Variants in TMLHE observed in about 807,000 individuals in gnomAD.
TMLHE encodes trimethyllysine hydroxylase, epsilon.
In TMLHE, 18 loss-of-function variants were observed where a neutral mutation model predicts 25.7. The ratio of observed to expected loss-of-function variants is 0.70; its 90% CI spans 0.48 to 1.04. The LOEUF is 1.04. TMLHE is among the 50% of genes least tolerant of loss of function. The probability of loss-of-function intolerance (pLI) is 0.00; values close to 1 mark genes in which losing one functional copy is unlikely to be tolerated. For missense variants in TMLHE, 236 were observed against 259.0 expected, an observed-to-expected ratio of 0.91 and a Z score of 0.61; for synonymous variants, 105 against 97.0, an observed-to-expected ratio of 1.08 and a Z score of -0.49.
chrX:155,591,371 C>T (rs907785002), intron 1 of TMLHE, among the ~76,000 whole-genome samples: 3 of 111,769 alleles, frequency 2.7e-5, no homozygotes, highest in Non-Finnish European at 5.7e-5. Flanking sequence ...CACTCCAAAA[C>T]GCACATTCTT....
intron 1 of TMLHE, among the ~76,000 whole-genome samples, chrX:155,549,230 GT>G (rs1324892503): frequency 8.1e-5 from 9 of 110,755 alleles, no homozygotes; most frequent in East Asian, 2.8e-4. Context: ...CCTTTTGTTT[GT>G]TTTTTTGCTG....
At chrX:155,571,004 G>T (rs1410082237) in intron 1 of TMLHE, among the ~76,000 whole-genome samples, 5 of 56,820 alleles carry the variant, frequency 8.8e-5, no homozygotes, top group African/African-American at 2.1e-4. Flanking sequence ...GAAGGAAATA[G>T]AGACACAAAA....
intron 1 of TMLHE, among the ~76,000 whole-genome samples, chrX:155,547,977 T>C (rs1475190204): frequency 1.8e-5 from 2 of 111,515 alleles, no homozygotes; most frequent in African/African-American, 6.5e-5. Flanking sequence ...CCATTTCCCA[T>C]AATCTCACTA....
intron 1 of TMLHE, among the ~76,000 whole-genome samples, chrX:155,579,156 T>C: frequency 9.5e-6 from 1 of 105,621 alleles, no homozygotes; most frequent in Admixed American, 1.0e-4. Context: ...AGAATCAATA[T>C]TGTTAAAATG....
At chrX:155,577,704 C>G (rs1373691834) in intron 1 of TMLHE, among the ~76,000 whole-genome samples, 1 of 111,683 alleles carries the variant, frequency 9.0e-6, no homozygotes, top group African/African-American at 3.3e-5. Context: ...ATAATACTAA[C>G]AGCCCAGCTC....
chrX:155,610,557 A>T (rs376009924), intron 1 of TMLHE, among the ~76,000 whole-genome samples: 5 of 111,759 alleles, frequency 4.5e-5, no homozygotes, highest in African/African-American at 9.8e-5. Flanking sequence ...ACAATTTATT[A>T]GGGATCATAC....
intron 2 of TMLHE, among the ~76,000 whole-genome samples, chrX:155,534,336 C>T (rs1436896483): frequency 2.7e-5 from 3 of 111,292 alleles, no homozygotes; most frequent in Non-Finnish European, 3.8e-5. Flanking sequence ...TGGGTTCAAG[C>T]GATTCTCCTG....
At chrX:155,584,778 A>T (rs1228654738) in intron 1 of TMLHE, among the ~76,000 whole-genome samples, 1 of 111,714 alleles carries the variant, frequency 9.0e-6, no homozygotes, top group Non-Finnish European at 1.9e-5. Context: ...GTTTTCACTC[A>T]TAAATGAAGG....
intron 2 of TMLHE, among the ~76,000 whole-genome samples, chrX:155,536,613 G>T (rs782818962): frequency 9.0e-6 from 1 of 111,530 alleles, no homozygotes; most frequent in Non-Finnish European, 1.9e-5. Context: ...AATCACAGGA[G>T]AAATTAATTA....
At chrX:155,610,846 A>T (rs1203890322) in intron 1 of TMLHE, among the ~76,000 whole-genome samples, 1 of 109,851 alleles carries the variant, frequency 9.1e-6, no homozygotes, top group African/African-American at 3.3e-5. Flanking sequence ...GTATGCTTAA[A>T]GTTGAATTCC....
intron 2 of TMLHE, among the ~76,000 whole-genome samples, chrX:155,541,107 T>A (rs904089025): frequency 3.6e-5 from 4 of 110,748 alleles, no homozygotes; most frequent in Admixed American, 9.7e-5. Flanking sequence ...GCAGGTTTGT[T>A]ACATAAGTAT....
At chrX:155,507,918 G>A (rs868937999) in intron 5 of TMLHE, among the ~76,000 whole-genome samples, 3 of 111,124 alleles carry the variant, frequency 2.7e-5, no homozygotes, top group African/African-American at 6.5e-5. Flanking sequence ...AGAAAGGGGC[G>A]TTATAGAGAA....
intron 2 of TMLHE, among the ~76,000 whole-genome samples, chrX:155,532,785 C>T (rs1416385949): frequency 9.3e-6 from 1 of 107,450 alleles, no homozygotes; most frequent in Non-Finnish European, 1.9e-5. Context: ...TGTTTGAGTA[C>T]CACTAACCCT....
At chrX:155,590,178 C>T (rs1005951112) in intron 1 of TMLHE, among the ~76,000 whole-genome samples, 4 of 112,095 alleles carry the variant, frequency 3.6e-5, no homozygotes, top group African/African-American at 9.7e-5. Context: ...CATACGTGTA[C>T]ATACACATGT....
chrX:155,584,444 TA>T (rs1557345038), intron 1 of TMLHE, among the ~76,000 whole-genome samples: 1 of 111,445 alleles, frequency 9.0e-6, no homozygotes, highest in Non-Finnish European at 1.9e-5. Context: ...GAATCCTATT[TA>T]ATGAAATAAT....
chrX:155,538,237 T>G (rs2067291284), intron 2 of TMLHE, among the ~76,000 whole-genome samples: 1 of 111,755 alleles, frequency 8.9e-6, no homozygotes, highest in South Asian at 3.7e-4. Flanking sequence ...TGTCTTCCTA[T>G]GCCTGGCTTA....
At chrX:155,605,080 A>G (rs1328088774) in intron 1 of TMLHE, among the ~76,000 whole-genome samples, 1 of 112,101 alleles carries the variant, frequency 8.9e-6, no homozygotes, top group Non-Finnish European at 1.9e-5. Context: ...AAAATGGCAG[A>G]TATAGAATTC....
chrX:155,548,698 G>A (rs2067385955), intron 1 of TMLHE, among the ~76,000 whole-genome samples: 1 of 106,850 alleles, frequency 9.4e-6, no homozygotes, highest in East Asian at 3.0e-4. Flanking sequence ...TTGTGCCACT[G>A]CACTCCAGCC....
At chrX:155,536,305 A>G (rs1557337620) in intron 2 of TMLHE, among the ~76,000 whole-genome samples, 1 of 111,230 alleles carries the variant, frequency 9.0e-6, no homozygotes, top group African/African-American at 3.3e-5. Context: ...TCAATGGTAA[A>G]TCAAGCAGTG....
Sources: gnomAD v4.1 joint callset for allele counts (sites outside exome capture counted in the v4.1 genomes callset) on GRCh38, gnomAD v4.1.1 for gene constraint, MANE v1.5 for transcripts, NCBI Gene and HGNC (gene_info 2026-07-23, HGNC 2026-07-21) for gene names.